The following ZC3H12B variants were observed in gnomAD, a reference collection of about 807,000 sequenced individuals.
ZC3H12B encodes the protein probable ribonuclease ZC3H12B.
In ZC3H12B, 7 loss-of-function variants were observed where a neutral mutation model predicts 43.9. That is an observed-to-expected ratio of 0.16 (90% CI 0.09 to 0.30). The LOEUF is 0.30. ZC3H12B is among the 10% of genes least tolerant of loss of function. The pLI is 1.00. For missense variants in ZC3H12B, 475 were observed against 670.2 expected (o/e 0.71, Z 3.22); for synonymous variants, 222 against 241.7 (o/e 0.92, Z 0.76).
chrX:65,419,756 G>A (rs961333094), intron 3 of ZC3H12B, among the ~76,000 whole-genome samples: 5 of 110,169 alleles, frequency 4.5e-5, no homozygotes, highest in Admixed American at 2.9e-4. Flanking sequence ...TGGCACCCAT[G>A]GATCTAGCTT....
At chrX:65,219,593 G>A in the ZC3H12B span, among the ~76,000 whole-genome samples, 1 of 111,288 alleles carries the variant, frequency 9.0e-6, no homozygotes, top group Non-Finnish European at 1.9e-5. Context: ...AATTAACCCA[G>A]TCCAACAAAG....
At chrX:65,491,581 C>G (rs939371682) in intron 1 of ZC3H12B, among the ~76,000 whole-genome samples, 8 of 108,971 alleles carry the variant, frequency 7.3e-5, no homozygotes, top group African/African-American at 2.7e-4. Flanking sequence ...GTGGCACATG[C>G]CTGTAGTCAC....
At chrX:65,469,247 G>A (rs950584476) in intron 3 of ZC3H12B, 1 of 238,687 alleles carries the variant, frequency 4.2e-6, no homozygotes, top group South Asian at 9.3e-5. Context: ...GCAAGTCAAA[G>A]GTGCCACTCA....
At chrX:65,083,206 C>A in the ZC3H12B span, among the ~76,000 whole-genome samples, 13,906 of 110,858 alleles carry the variant, frequency 0.13, 2,087 homozygotes, top group African/African-American at 0.43. Context: ...GGGAATGCAA[C>A]AAGGATGCCC....
At chrX:65,093,627 C>G in the ZC3H12B span, among the ~76,000 whole-genome samples, 1 of 112,208 alleles carries the variant, frequency 8.9e-6, no homozygotes, top group Non-Finnish European at 1.9e-5. Context: ...GGGTTTTGGA[C>G]TTGCATGTGG....
the ZC3H12B span, among the ~76,000 whole-genome samples, chrX:65,225,918 C>T: frequency 8.9e-6 from 1 of 111,827 alleles, no homozygotes; most frequent in Non-Finnish European, 1.9e-5. Flanking sequence ...CTGAAAGTGA[C>T]GGGTAGAATG....
At chrX:65,093,355 G>C in the ZC3H12B span, among the ~76,000 whole-genome samples, 1 of 111,981 alleles carries the variant, frequency 8.9e-6, no homozygotes, top group African/African-American at 3.2e-5. Context: ...TCACTGCCTG[G>C]TGAAGCTATG....
exon 5 of ZC3H12B, chrX:65,506,122 C>T (rs1174191681): frequency 8.9e-6 from 1 of 112,261 alleles, no homozygotes; most frequent in African/African-American, 3.2e-5. Flanking sequence ...TTCTAAAGGG[C>T]AGTAGTAATT....
At chrX:65,347,474 C>A in the ZC3H12B span, among the ~76,000 whole-genome samples, 2 of 112,035 alleles carry the variant, frequency 1.8e-5, no homozygotes, top group African/African-American at 6.5e-5. Flanking sequence ...AGGCAACAGA[C>A]ACATGAAAAA....
intron 3 of ZC3H12B, among the ~76,000 whole-genome samples, chrX:65,404,695 G>C (rs2066801794): frequency 9.0e-6 from 1 of 111,525 alleles, no homozygotes; most frequent in East Asian, 2.8e-4. Flanking sequence ...AGAGCCCCTA[G>C]ATAAGTAAAG....
chrX:65,492,087 A>T (rs1440799657), intron 1 of ZC3H12B, among the ~76,000 whole-genome samples: 1 of 110,252 alleles, frequency 9.1e-6, no homozygotes, highest in Non-Finnish European at 1.9e-5. Context: ...CACCCGGAAC[A>T]CCCTAGATCG....
At chrX:65,353,351 A>C in the ZC3H12B span, among the ~76,000 whole-genome samples, 1 of 111,242 alleles carries the variant, frequency 9.0e-6, no homozygotes, top group African/African-American at 3.3e-5. Context: ...TCTCTGTGGC[A>C]AAACAGTGTT....
the ZC3H12B span, among the ~76,000 whole-genome samples, chrX:65,064,146 A>G: frequency 9.0e-6 from 1 of 110,897 alleles, no homozygotes; most frequent in Non-Finnish European, 1.9e-5. Flanking sequence ...TCATGTCTCT[A>G]TCTCCTTCAG....
At chrX:65,343,994 A>T in the ZC3H12B span, among the ~76,000 whole-genome samples, 2 of 112,479 alleles carry the variant, frequency 1.8e-5, no homozygotes, top group Non-Finnish European at 3.8e-5. Flanking sequence ...CTCAGGATAG[A>T]AAATTGATGT....
At chrX:65,315,139 C>T in the ZC3H12B span, among the ~76,000 whole-genome samples, 1 of 111,054 alleles carries the variant, frequency 9.0e-6, no homozygotes, top group South Asian at 3.8e-4. Flanking sequence ...AATTCAGATA[C>T]AATTAATTTT....
the ZC3H12B span, among the ~76,000 whole-genome samples, chrX:65,212,648 A>G: frequency 1.1e-5 from 1 of 88,440 alleles, no homozygotes. Flanking sequence ...ATGATTATAT[A>G]TCATATATTA....
chrX:65,154,922 A>C, the ZC3H12B span, among the ~76,000 whole-genome samples: 19 of 111,279 alleles, frequency 1.7e-4, no homozygotes, highest in East Asian at 3.1e-3. Context: ...AATGGTTATT[A>C]TCTATTAGCT....
At chrX:65,487,673 A>G (rs1245144707), upstream of ZC3H12B, among the ~76,000 whole-genome samples, 1 of 112,482 alleles carries the variant, frequency 8.9e-6, no homozygotes, top group Non-Finnish European at 1.9e-5. Context: ...TTTATCAATT[A>G]CAATTTAAAA....
the ZC3H12B span, among the ~76,000 whole-genome samples, chrX:65,055,299 C>A: frequency 5.4e-5 from 6 of 111,432 alleles, no homozygotes; most frequent in Non-Finnish European, 1.1e-4. Flanking sequence ...GCATAAAGGG[C>A]TGTTGAATTT....
Sources: allele counts gnomAD v4.1 joint callset (sites outside exome capture counted in the v4.1 genomes callset), GRCh38; gene constraint gnomAD v4.1.1; transcripts MANE v1.5; gene names NCBI Gene and HGNC (gene_info 2026-07-23, HGNC 2026-07-21).